Variants in DRICH1 observed in about 807,000 individuals in gnomAD.
DRICH1 encodes the protein aspartate-rich protein 1.
A neutral mutation model predicts 39.5 loss-of-function variants in DRICH1; 38 were observed. The ratio of observed to expected loss-of-function variants is 0.96; its 90% CI spans 0.74 to 1.26. DRICH1 has a LOEUF of 1.26. Ranked by LOEUF, DRICH1 falls within the 50% of genes most tolerant of loss-of-function variation. The pLI is 0.00. For missense variants in DRICH1, 279 were observed against 270.4 expected (o/e 1.03, Z -0.22); for synonymous variants, 84 against 99.5 (o/e 0.84, Z 0.93).
the DRICH1 span, among the ~76,000 whole-genome samples, chr22:23,599,840 T>G: frequency 1.3e-5 from 2 of 152,262 alleles, no homozygotes; most frequent in East Asian, 1.9e-4. Flanking sequence ...CTGAGCTCTG[T>G]ACTGGGCAGG....
chr22:23,617,426 T>C, intron 7 of DRICH1, 149 bp downstream of exon 7: 3 of 900,528 alleles, frequency 3.3e-6, no homozygotes, highest in Non-Finnish European at 3.6e-6. Flanking sequence ...GGATTGGCAA[T>C]GCCTGCTTGT....
intron 1 of DRICH1, chr22:23,630,746 G>T (rs1281288169): frequency 6.6e-6 from 1 of 152,154 alleles, no homozygotes; most frequent in East Asian, 1.9e-4. Context: ...GCTGTTTCCA[G>T]GGACTCTAGT....
intron 3 of DRICH1, among the ~76,000 whole-genome samples, chr22:23,623,615 T>C (rs1338981745): frequency 2.0e-5 from 3 of 151,272 alleles, no homozygotes; most frequent in African/African-American, 7.2e-5. Flanking sequence ...GCTATCAAAC[T>C]GGTAACAGCC....
intron 1 of DRICH1, among the ~76,000 whole-genome samples, chr22:23,629,241 G>A (rs768007960): frequency 6.6e-6 from 1 of 152,166 alleles, no homozygotes; most frequent in Non-Finnish European, 1.5e-5. Context: ...GTTTCGCCAG[G>A]TTGGCCAGGC....
At chr22:23,595,847 G>A in the DRICH1 span, among the ~76,000 whole-genome samples, 344 of 152,294 alleles carry the variant, frequency 2.3e-3, no homozygotes, top group South Asian at 0.01. Context: ...ATCTAGGGAG[G>A]AGGAACTGAG....
chr22:23,616,632 C>T (rs932881215), intron 8 of DRICH1, among the ~76,000 whole-genome samples: 2 of 152,170 alleles, frequency 1.3e-5, no homozygotes, highest in African/African-American at 4.8e-5. Flanking sequence ...GCACTCACTT[C>T]TACTCCAGGT....
chr22:23,622,101 T>G lies in DRICH1; in HGVS notation c.374A>C (p.Asp125Ala), dbSNP rs773542398. ...GAAAGATTGTCTTACCTGGGCATCA[T>G]CATCATCATCATCATCACAGTCATC... ...EDDDCDDDDD[D>A]DAQILPSRVQ... The change falls in exon 4 of 12, where the codon GAT becomes GCT. Residue 125 changes from aspartate (D) to alanine (A), a missense_variant. By Grantham distance (126) the Asp-to-Ala change is moderately radical. Transcript: ENST00000317749. 614 of 1,544,126 alleles carry G rather than the reference T, an allele frequency of 4.0e-4. 2 individuals are homozygous for G. The African/African-American group carries it at 7.5e-3, about 19-fold the overall frequency.
chr22:23,606,918 A>G (rs1018655074), downstream of DRICH1: 2 of 152,472 alleles, frequency 1.3e-5, no homozygotes, highest in Admixed American at 1.3e-4. Flanking sequence ...GTGATGGGGA[A>G]CTTACAAGTT....
In DRICH1 at chr22:23,616,125, A is replaced by G. The variant is rs12628601; in HGVS notation, c.541+728T>C. ...AAAACAGACAAATGAATGTGCTGCC[A>G]TGAAACCTAACAGTTCATAAGGTGA... is the stretch of plus-strand genomic sequence containing the variant. On this transcript the variant is annotated intron_variant, in intron 8 of 11. Transcript: ENST00000317749. Among the ~76,000 whole-genome samples the G allele has an allele frequency of 9.8e-5, 15 of 152,336 alleles. No individual in the cohort carries two copies. The East Asian group carries it at 2.7e-3, about 27-fold the overall frequency.
the DRICH1 span, among the ~76,000 whole-genome samples, chr22:23,598,361 C>G: frequency 6.7e-6 from 1 of 149,672 alleles, no homozygotes; most frequent in East Asian, 1.9e-4. Flanking sequence ...TGAGGGTCCC[C>G]GTGGGCCTGG....
chr22:23,583,588 C>T, the DRICH1 span: 1 of 152,330 alleles, frequency 6.6e-6, no homozygotes, highest in Admixed American at 6.5e-5. Context: ...ATCCCAGTGT[C>T]CCATGAACAC....
intron 1 of DRICH1, among the ~76,000 whole-genome samples, chr22:23,626,541 C>T (rs1407703317): frequency 6.6e-6 from 1 of 152,208 alleles, no homozygotes; most frequent in East Asian, 1.9e-4. Flanking sequence ...CAACTGCTCC[C>T]CAGAGATCCT....
At position 23,617,674 on chromosome 22, in the gene DRICH1, G is replaced by A. The variant is rs1927444478; in HGVS notation, c.437-17C>T. On this transcript the variant is annotated splice_polypyrimidine_tract_variant and intron_variant, in intron 6 of 11. Transcript: ENST00000317749. ...CAGAAGAACCTGGAAGCACACAGAG[G>A]AAAGATCCGTGCCCTGGTTGTTTGT... 1 of 1,612,918 alleles carries A rather than the reference G, an allele frequency of 6.2e-7. No individual in the cohort carries two copies. Among genetic ancestry groups the A allele is most frequent in the Non-Finnish European group, 8.5e-7 (1 of 1,179,158 alleles).
At chr22:23,599,635 A>AG in the DRICH1 span, among the ~76,000 whole-genome samples, 8 of 152,104 alleles carry the variant, frequency 5.3e-5, no homozygotes, top group Admixed American at 4.6e-4. Context: ...TGTTGAGAGA[A>AG]GGGGCGCTGA....
intron 1 of DRICH1, among the ~76,000 whole-genome samples, chr22:23,629,070 T>C (rs1185836091): frequency 6.6e-6 from 1 of 152,088 alleles, no homozygotes; most frequent in Admixed American, 6.6e-5. Context: ...TGAGAAGCAG[T>C]CTCAGTCACT....
chr22:23,619,225 A>C, intron 6 of DRICH1, 139 bp downstream of exon 6: 1 of 633,364 alleles, frequency 1.6e-6, no homozygotes, highest in Non-Finnish European at 2.9e-6. Flanking sequence ...AGTCATGTTA[A>C]ATCTAACTAA....
the DRICH1 span, among the ~76,000 whole-genome samples, chr22:23,601,732 G>T: frequency 3.8e-3 from 573 of 150,880 alleles, no homozygotes; most frequent in African/African-American, 0.013. Flanking sequence ...CCCTCTGTAT[G>T]ATTCCTCACA....
chr22:23,630,108 CTA>C (rs1928302988), intron 1 of DRICH1, among the ~76,000 whole-genome samples: 1 of 152,174 alleles, frequency 6.6e-6, no homozygotes, highest in Non-Finnish European at 1.5e-5. Flanking sequence ...TGTGAGCTTT[CTA>C]TGTGTATTTC....
At chr22:23,624,025 T>A in intron 3 of DRICH1, 1 of 985,234 alleles carries the variant, frequency 1.0e-6, no homozygotes, top group Non-Finnish European at 1.2e-6. Context: ...TCCCTCCATT[T>A]CCAAGACACT....
Sources: gnomAD v4.1 joint callset for allele counts (sites outside exome capture counted in the v4.1 genomes callset) on GRCh38, gnomAD v4.1.1 for gene constraint, MANE v1.5 for transcripts, NCBI Gene and HGNC (gene_info 2026-07-23, HGNC 2026-07-21) for gene names.